Variants in RADX observed in about 807,000 individuals in gnomAD.
RADX encodes the protein RPA1 related single stranded DNA binding protein, X-linked, also known as RPA-related protein RADX.
Under a neutral mutation model 61.6 loss-of-function variants are expected in RADX, and 36 were observed. That is an observed-to-expected ratio of 0.58 (90% CI 0.45 to 0.77). The LOEUF (loss-of-function observed/expected upper bound fraction) is 0.77. Ranked by LOEUF, RADX falls within the 30% of genes least tolerant of loss-of-function variation. The pLI is 0.00. For synonymous variants in RADX, 272 were observed against 237.9 expected, an observed-to-expected ratio of 1.14 and a Z score of -1.32; for missense variants, 497 against 651.1, an observed-to-expected ratio of 0.76 and a Z score of 2.58.
At chrX:106,678,082 A>G in intron 13 of RADX, 46 bp from the exon 14 acceptor site, 2 of 922,030 alleles carry the variant, frequency 2.2e-6, no homozygotes, top group South Asian at 2.5e-5. Flanking sequence ...AGTCAAGTAA[A>G]TATTTAACTA....
In RADX at chrX:106,640,735, A is replaced by G. The variant is rs201796205; in HGVS notation, c.1904+14A>G. 4 of 1,105,302 alleles carry G rather than the reference A, an allele frequency of 3.6e-6. No individual in the cohort carries two copies. The highest frequency in any genetic ancestry group is 2.5e-4 in the Middle Eastern group (1 of 3,960). 91.1% of individuals were successfully genotyped at this position (1,105,302 alleles called of 1,213,427 possible). A position where few individuals can be genotyped will look rare whatever the true frequency, so the allele number is the denominator to read the frequency against. On this transcript the variant is annotated intron_variant, in intron 10 of 13. Coordinates refer to ENST00000372548, the MANE Select transcript of RADX (RefSeq NM_018015.6). The stretch of plus-strand genomic sequence containing the variant: ...ACACGCTAATCCGTAAGTCATTTGT[A>G]TTAAGTATATGTAAAGTATATTTTT...
chrX:106,625,163 A>G lies in RADX; in HGVS notation c.860A>G (p.Tyr287Cys). The G allele has an allele frequency of 1.7e-6, 2 of 1,209,085 alleles. No individual in the cohort carries two copies. Among genetic ancestry groups the G allele is most frequent in the Non-Finnish European group, 2.2e-6 (2 of 894,016 alleles). ...IMWNALCPEW[Y>C]KSLRVGLVLL... is the part of the protein sequence containing the mutation. Reference sequence around the variant, plus strand: ...TGGAATGCCCTGTGTCCTGAGTGGTATAAAAGTTTGCGGGTTGGTTTAGTT... The same window carrying G: ...TGGAATGCCCTGTGTCCTGAGTGGTGTAAAAGTTTGCGGGTTGGTTTAGTT... The change falls in exon 3 of 14, where the codon TAT becomes TGT. Residue 287 changes from tyrosine (Y) to cysteine (C), a missense_variant. By Grantham distance (194) the Tyr-to-Cys change is radical. Transcript: ENST00000372548.
At chrX:106,628,999 C>A (rs1224132606) in intron 3 of RADX, among the ~76,000 whole-genome samples, 2 of 111,990 alleles carry the variant, frequency 1.8e-5, no homozygotes, top group African/African-American at 6.5e-5. Context: ...TATTGCAAAA[C>A]AAAGGATATA....
Position 106,665,771 on chromosome X carries a change from G to C in RADX, c.2270-3392G>C, listed in dbSNP as rs771701013. Among the ~76,000 whole-genome samples, 4 of 112,126 alleles carry C rather than the reference G, an allele frequency of 3.6e-5. No individual in the cohort carries two copies. The East Asian group carries it at 8.4e-4, about 24-fold the overall frequency. The stretch of plus-strand genomic sequence containing the variant: ...GTGCCTTATTCCTGGAGCCAAAAAT[G>C]TTATTTGGACCACAACTCTGTTACT... On this transcript the variant is annotated intron_variant, in intron 12 of 13. Coordinates refer to ENST00000372548, the MANE Select transcript of RADX (RefSeq NM_018015.6).
intron 1 of RADX, among the ~76,000 whole-genome samples, chrX:106,621,328 A>G (rs1926937417): frequency 1.8e-5 from 2 of 112,170 alleles, no homozygotes; most frequent in South Asian, 7.4e-4. Context: ...CTTATTAAAA[A>G]GAAATTACAA....
chrX:106,621,154 G>C (rs1166320898), intron 1 of RADX, among the ~76,000 whole-genome samples: 1 of 112,013 alleles, frequency 8.9e-6, no homozygotes. Context: ...TTCGTCTGAC[G>C]TTAAAATGAA....
chrX:106,644,718 C>T (rs1226158954), intron 10 of RADX, among the ~76,000 whole-genome samples: 1 of 110,773 alleles, frequency 9.0e-6, no homozygotes, highest in Non-Finnish European at 1.9e-5. Context: ...AGATATTGAC[C>T]TGTAGTTTTC....
chrX:106,653,108 C>T (rs1387932557), intron 11 of RADX, among the ~76,000 whole-genome samples: 3 of 101,046 alleles, frequency 3.0e-5, no homozygotes, highest in Admixed American at 1.1e-4. Context: ...TTCATCACCA[C>T]GAGACCTACA....
intron 12 of RADX, among the ~76,000 whole-genome samples, chrX:106,667,098 A>G (rs1486491758): frequency 2.7e-5 from 3 of 111,812 alleles, no homozygotes; most frequent in Non-Finnish European, 5.6e-5. Flanking sequence ...TGAGATGGTG[A>G]TAAGTGCTAA....
intron 12 of RADX, among the ~76,000 whole-genome samples, chrX:106,663,313 G>A (rs1411523914): frequency 1.8e-5 from 2 of 111,191 alleles, no homozygotes; most frequent in Non-Finnish European, 3.8e-5. Flanking sequence ...GTACAGACAT[G>A]TGAGTATGTA....
At chrX:106,623,454 T>C (rs1927002204) in intron 2 of RADX, among the ~76,000 whole-genome samples, 1 of 111,953 alleles carries the variant, frequency 8.9e-6, no homozygotes, top group African/African-American at 3.2e-5. Context: ...TTCATTAAAC[T>C]TTTATTATGA....
intron 12 of RADX, among the ~76,000 whole-genome samples, chrX:106,666,953 C>T (rs772295873): frequency 3.6e-4 from 40 of 112,011 alleles, no homozygotes; most frequent in Non-Finnish European, 6.4e-4. Context: ...AAAATGCACA[C>T]ATGTGTATTT....
At chrX:106,614,249 C>T (rs146014782) in intron 1 of RADX, among the ~76,000 whole-genome samples, 28 of 111,593 alleles carry the variant, frequency 2.5e-4, no homozygotes, top group African/African-American at 9.1e-4. Context: ...AAATTGTCAG[C>T]AGTTTGTTGT....
At chrX:106,642,638 T>A (rs1054759794) in intron 10 of RADX, among the ~76,000 whole-genome samples, 1 of 112,085 alleles carries the variant, frequency 8.9e-6, no homozygotes, top group African/African-American at 3.2e-5. Flanking sequence ...CACATTTTCT[T>A]TATCCACTCA....
chrX:106,639,961 G>T (rs1282678337), intron 9 of RADX: 1 of 155,427 alleles, frequency 6.4e-6, no homozygotes, highest in African/African-American at 3.2e-5. Context: ...GGCCAATAAT[G>T]ATTATAGCCT....
chrX:106,639,887 C>G, intron 9 of RADX, 200 bp downstream of exon 9: 2 of 250,057 alleles, frequency 8.0e-6, no homozygotes, highest in Non-Finnish European at 1.4e-5. Context: ...TCCTTTTGCA[C>G]CAACCTAATA....
At chrX:106,658,424 C>T (rs929755346) in intron 11 of RADX, among the ~76,000 whole-genome samples, 2 of 111,602 alleles carry the variant, frequency 1.8e-5, no homozygotes, top group African/African-American at 3.3e-5. Context: ...CTGCAACCAC[C>T]ATTTGAGAAT....
chrX:106,677,968 A>G (rs1603068129), intron 13 of RADX, among the ~76,000 whole-genome samples, 160 bp from the exon 14 acceptor site: 1 of 111,593 alleles, frequency 9.0e-6, no homozygotes, highest in Non-Finnish European at 1.9e-5. Context: ...AGAAGTTGCC[A>G]TATAATTTTG....
intron 1 of RADX, among the ~76,000 whole-genome samples, chrX:106,620,421 T>G (rs1433412645): frequency 9.0e-6 from 1 of 111,306 alleles, no homozygotes; most frequent in Non-Finnish European, 1.9e-5. Context: ...GCTTGTAATC[T>G]CAGCACTTTG....
Sources: gnomAD v4.1 joint callset for allele counts (sites outside exome capture counted in the v4.1 genomes callset) on GRCh38, gnomAD v4.1.1 for gene constraint, MANE v1.5 for transcripts, NCBI Gene and HGNC (gene_info 2026-07-23, HGNC 2026-07-21) for gene names.